The following MX1 variants were observed in gnomAD, a reference collection of about 807,000 sequenced individuals.
MX1 encodes the protein MX dynamin like GTPase 1.
MX1 carries 66 observed loss-of-function variants against 66.4 expected under a neutral mutation model. The observed-to-expected ratio is 0.99, with a 90% CI of 0.82 to 1.22. The LOEUF (loss-of-function observed/expected upper bound fraction) is 1.22, where lower values mean the gene tolerates loss of function less well. Ranked by LOEUF, MX1 falls within the 50% of genes most tolerant of loss-of-function variation. MX1 has a pLI of 0.00. For missense variants in MX1, 787 were observed against 834.3 expected (o/e 0.94, Z 0.70); for synonymous variants, 311 against 318.1 (o/e 0.98, Z 0.24).
intron 11 of MX1, 79 bp downstream of exon 11, chr21:41,443,945 T>C: frequency 1.5e-6 from 2 of 1,299,516 alleles, no homozygotes; most frequent in Non-Finnish European, 2.2e-6. Flanking sequence ...TTCTTAAACA[T>C]CACTGTACAC....
chr21:41,431,062 G>A (rs1261907698), intron 4 of MX1, among the ~76,000 whole-genome samples: 2 of 152,092 alleles, frequency 1.3e-5, no homozygotes, highest in Non-Finnish European at 2.9e-5. Flanking sequence ...TCGCTCTGTC[G>A]CCCAGGCTGG....
Position 41,457,254 on chromosome 21 carries a change from G to A in MX1, c.1759-1274G>A, listed in dbSNP as rs114556861. Among the ~76,000 whole-genome samples the A allele has an allele frequency of 7.4e-3, 1,129 of 152,274 alleles. 20 individuals carry two copies. The highest frequency in any genetic ancestry group is 0.025 in the African/African-American group (1,043 of 41,558). ...GACCTCTGCGATTTCTGTTGCAGAC[G>A]ATCTACATTTTGTCATTTGCTTTGT... On this transcript the variant is annotated intron_variant, in intron 16 of 16. Transcript: ENST00000398598.
In MX1 at chr21:41,439,837, A is replaced by C; in HGVS notation, c.580A>C (p.Ile194Leu). The change falls in exon 8 of 17, where the codon ATT (isoleucine) becomes CTT (leucine). Residue 194 changes from isoleucine (I) to leucine (L), a missense_variant. Coordinates refer to ENST00000398598, the MANE Select transcript of MX1 (RefSeq NM_002462.5). Reference sequence around the variant, plus strand: ...GGCTGTGGGCAATCAGCCTGCTGACATTGGGTATAAGGTCAGACTTCAGAC... The same window carrying C: ...GGCTGTGGGCAATCAGCCTGCTGACCTTGGGTATAAGGTCAGACTTCAGAC... Reference protein sequence around the residue: ...RVAVGNQPADIGYKIKTLIKK... With the variant: ...RVAVGNQPADLGYKIKTLIKK... The C allele has an allele frequency of 2.8e-6, 4 of 1,423,318 alleles. No individual in the cohort carries two copies. The highest frequency in any genetic ancestry group is 3.8e-6 in the Non-Finnish European group (4 of 1,060,182). The allele number at this position is 1,423,318 out of a possible 1,614,324, so 88.2% of individuals were successfully genotyped here.
intron 14 of MX1, chr21:41,449,502 T>A (rs764604697): frequency 2.6e-4 from 122 of 475,270 alleles, no homozygotes; most frequent in Non-Finnish European, 4.1e-4. Context: ...ACCCCATAGC[T>A]TAAGGGCTCA....
chr21:41,426,292 A>T (rs1202107182), intron 1 of MX1, 29 bp downstream of exon 1: 1 of 152,798 alleles, frequency 6.5e-6, no homozygotes, highest in Admixed American at 6.5e-5. Context: ...GGCAGCGCCC[A>T]GTAACCGCGC....
At chr21:41,448,738 A>G (rs1337603135) in intron 13 of MX1, among the ~76,000 whole-genome samples, 7 of 152,276 alleles carry the variant, frequency 4.6e-5, no homozygotes, top group South Asian at 2.1e-4. Context: ...CCCGGGAGGC[A>G]GAGCTTGCAG....
At chr21:41,436,970 C>T in intron 6 of MX1, 45 bp from the exon 7 acceptor site, 1 of 1,608,342 alleles carries the variant, frequency 6.2e-7, no homozygotes, top group Non-Finnish European at 8.5e-7. Flanking sequence ...CTATGTAGGT[C>T]TTTTAAGAGC....
intron 3 of MX1, chr21:41,429,929 A>T (rs1341653160): frequency 6.7e-6 from 1 of 149,964 alleles, no homozygotes; most frequent in Non-Finnish European, 1.5e-5. Flanking sequence ...AAAGAAAGAA[A>T]TACATCCCTT....
rs2838037 is a variant in MX1, at chr21:41,439,943, G to C, written c.591+95G>C. 4 of 1,352,540 alleles carry C rather than the reference G, an allele frequency of 3.0e-6. No homozygotes were observed. In the African/African-American group the frequency reaches 5.9e-5, roughly 20 times the overall value. The allele number at this position is 1,352,540 out of a possible 1,614,324, so 83.8% of individuals were successfully genotyped here. ...AAGAGGGTACTGTATTAGAGTAACC[G>C]TGAGTCCAGAGCTGAGTTTTGGAGT... On this transcript the variant is annotated intron_variant, in intron 8 of 16. Coordinates refer to ENST00000398598, the MANE Select transcript of MX1 (RefSeq NM_002462.5).
chr21:41,438,549 G>A (rs529602748), intron 7 of MX1, among the ~76,000 whole-genome samples: 9 of 152,300 alleles, frequency 5.9e-5, no homozygotes, highest in African/African-American at 2.2e-4. Context: ...GGCAAGACCC[G>A]ACATCTAACA....
At chr21:41,439,468 C>T (rs467558) in intron 7 of MX1, among the ~76,000 whole-genome samples, 99,582 of 152,096 alleles carry the variant, frequency 0.65, 32,758 homozygotes, top group Non-Finnish European at 0.69. Context: ...CTCATGGTGA[C>T]GTTCTCACAA....
intron 11 of MX1, among the ~76,000 whole-genome samples, chr21:41,444,978 A>G (rs1396823120): frequency 1.3e-5 from 2 of 152,224 alleles, no homozygotes; most frequent in African/African-American, 2.4e-5. Context: ...GTGAGCCAGC[A>G]TATGGCGTCA....
chr21:41,455,543 C>T (rs1027455777), intron 16 of MX1, among the ~76,000 whole-genome samples: 1 of 152,264 alleles, frequency 6.6e-6, no homozygotes, highest in Non-Finnish European at 1.5e-5. Context: ...AGAAGCAGCC[C>T]TTCTCCGGGT....
chr21:41,451,147 A>G lies in MX1; in HGVS notation c.1433-20A>G. 2 of 1,552,870 alleles carry G rather than the reference A, an allele frequency of 1.3e-6. No individual in the cohort carries two copies. Among genetic ancestry groups the G allele is most frequent in the Non-Finnish European group, 1.8e-6 (2 of 1,127,842 alleles). On this transcript the variant is annotated intron_variant, in intron 14 of 16. Coordinates refer to ENST00000398598, the MANE Select transcript of MX1 (RefSeq NM_002462.5). ...CAAATGATCCTACCAATATTGAACT[A>G]TTTTTCTCTCTTTGATTAGATATGG...
At chr21:41,436,882 G>C in intron 6 of MX1, 133 bp from the exon 7 acceptor site, 4 of 1,093,284 alleles carry the variant, frequency 3.7e-6, no homozygotes, top group Non-Finnish European at 5.2e-6. Context: ...ATATCAGAGG[G>C]TAAGACCAGA....
At chr21:41,444,366 G>T (rs898636465) in intron 11 of MX1, among the ~76,000 whole-genome samples, 2 of 103,750 alleles carry the variant, frequency 1.9e-5, no homozygotes, top group Admixed American at 3.1e-4. Flanking sequence ...TCACTCTGTT[G>T]CCCAGGCTGG....
intron 12 of MX1, 127 bp downstream of exon 12, chr21:41,445,697 C>G (rs2090641296): frequency 7.5e-7 from 1 of 1,334,860 alleles, no homozygotes; most frequent in South Asian, 1.4e-5. Context: ...CCGTAGCACT[C>G]AAAGGGTGGA....
chr21:41,451,085 T>C, intron 14 of MX1, 82 bp from the exon 15 acceptor site: 1 of 949,156 alleles, frequency 1.1e-6, no homozygotes, highest in Non-Finnish European at 1.7e-6. Flanking sequence ...CTTCATACCA[T>C]TTGATCCTCA....
rs556935877 is a variant in MX1 at position 41,441,469 on chromosome 21, G to C, written c.731-247G>C. The C allele has an allele frequency of 7.1e-6, 4 of 564,692 alleles. No individual in the cohort carries two copies. The highest frequency in any genetic ancestry group is 1.3e-5 in the Non-Finnish European group (4 of 314,404). The allele number at this position is 564,692 out of a possible 1,614,324, so 35.0% of individuals were successfully genotyped here. A position where few individuals can be genotyped will look rare whatever the true frequency, so the allele number is the denominator to read the frequency against. On this transcript the variant is annotated intron_variant, in intron 9 of 16. Transcript: ENST00000398598. This position sits in a 1 kb window ranked among gnomAD's most constrained non-coding sequence, Gnocchi z 4.0. Reference sequence around the variant, plus strand: ...ACAAAACGTGGCGTGTTCTACAGTGGACCCGGGTGAAGGAGCTTGGGGAGA... The same window carrying C: ...ACAAAACGTGGCGTGTTCTACAGTGCACCCGGGTGAAGGAGCTTGGGGAGA...
Sources: gnomAD v4.1 joint callset for allele counts (sites outside exome capture counted in the v4.1 genomes callset) on GRCh38, gnomAD v4.1.1 for gene constraint, Gnocchi (gnomAD v3.1) non-coding constraint, MANE v1.5 for transcripts, NCBI Gene and HGNC (gene_info 2026-07-23, HGNC 2026-07-21) for gene names.